Variants in RELCH observed in about 807,000 individuals in gnomAD.
The protein encoded by RELCH is RAB11 binding and LisH domain, coiled-coil and HEAT repeat containing, also known as RAB11-binding protein RELCH.
RELCH carries 41 observed loss-of-function variants against 150.3 expected under a neutral mutation model. That is an observed-to-expected ratio of 0.27 (90% CI 0.21 to 0.35). RELCH has a LOEUF of 0.35. Ranked by LOEUF, RELCH falls within the 10% of genes least tolerant of loss-of-function variation. The pLI is 1.00. For missense variants in RELCH, 1,092 were observed against 1,467.8 expected (o/e 0.74, Z 4.18); for synonymous variants, 478 against 531.8 (o/e 0.90, Z 1.39).
chr18:62,187,535 C>T lies in RELCH; in HGVS notation c.30C>T (p.Gly10=). 2.0e-6 allele frequency: 3 copies of T among 1,514,820 alleles called. 1 individual carries two copies. The South Asian group carries it at 4.0e-5, about 20-fold the overall frequency. 93.8% of individuals were successfully genotyped at this position (1,514,820 alleles called of 1,614,324 possible). A position where few individuals can be genotyped will look rare whatever the true frequency, so the allele number is the denominator to read the frequency against. MAAMAPGGS[G]SGGGVNPFLS... The stretch of plus-strand genomic sequence containing the variant: ...CGGCGATGGCGCCTGGAGGTAGTGG[C>T]AGTGGTGGCGGCGTGAATCCATTTC... The change falls in exon 1 of 29, where the codon GGC becomes GGT. Residue 10 remains glycine, a synonymous_variant. Coordinates refer to ENST00000644646, the MANE Select transcript of RELCH (RefSeq NM_001346231.2).
intron 2 of RELCH, among the ~76,000 whole-genome samples, chr18:62,212,580 G>A (rs1005862179): frequency 6.6e-6 from 1 of 152,176 alleles, no homozygotes; most frequent in African/African-American, 2.4e-5. Context: ...AAAAATGAGT[G>A]CTAATTCTTA....
chr18:62,268,532 T>G (rs1264401862), intron 19 of RELCH: 1 of 163,234 alleles, frequency 6.1e-6, no homozygotes, highest in East Asian at 1.8e-4. Context: ...AACTGCAAAT[T>G]GAAAGCATAA....
At chr18:62,298,416 G>T (rs971474985) in intron 27 of RELCH, among the ~76,000 whole-genome samples, 11 of 152,282 alleles carry the variant, frequency 7.2e-5, no homozygotes, top group African/African-American at 2.6e-4. Context: ...GCAAAGGGGC[G>T]TAGAACAGGA....
chr18:62,274,672 T>C (rs1295054535), intron 21 of RELCH, among the ~76,000 whole-genome samples: 2 of 152,242 alleles, frequency 1.3e-5, no homozygotes, highest in Admixed American at 6.5e-5. Flanking sequence ...CCAATTTTTA[T>C]AGATGCAGAA....
At position 62,213,181 on chromosome 18, in the gene RELCH, T is replaced by C. The variant is rs529632862; in HGVS notation, c.616+1939T>C. Among the ~76,000 whole-genome samples, 17 of 152,180 alleles carry C rather than the reference T, an allele frequency of 1.1e-4. No individual in the cohort carries two copies. The South Asian group carries it at 2.9e-3, about 26-fold the overall frequency. ...TATATTAGCTATTTATATTATAAAA[T>C]ATATGGCATTTTAGTTTATTTAGAG... On this transcript the variant is annotated intron_variant, in intron 2 of 28. Coordinates refer to ENST00000644646, the MANE Select transcript of RELCH (RefSeq NM_001346231.2).
chr18:62,266,669 G>C, intron 18 of RELCH, 32 bp from the exon 19 acceptor site: 1 of 1,509,630 alleles, frequency 6.6e-7, no homozygotes, highest in Non-Finnish European at 9.2e-7. Context: ...TTGAACCTGA[G>C]ACTTTTTGAA....
chr18:62,244,908 A>G, intron 11 of RELCH, 32 bp downstream of exon 11: 1 of 1,361,924 alleles, frequency 7.3e-7, no homozygotes, highest in Non-Finnish European at 1.1e-6. Context: ...AAAAAGAAAT[A>G]CAATGTGACT....
At chr18:62,205,213 G>A (rs1236732184) in intron 1 of RELCH, among the ~76,000 whole-genome samples, 2 of 152,096 alleles carry the variant, frequency 1.3e-5, no homozygotes, top group African/African-American at 4.8e-5. Flanking sequence ...TTAAAATTGT[G>A]GAGGTTTTGA....
rs1020280863 is a variant in RELCH at position 62,306,830 on chromosome 18, A to G, written c.*1296A>G. 5 of 152,662 alleles carry G rather than the reference A, an allele frequency of 3.3e-5. No homozygotes were observed. Among genetic ancestry groups the G allele is most frequent in the Non-Finnish European group, 5.9e-5 (4 of 68,028 alleles). The allele number at this position is 152,662 out of a possible 1,614,324, so 9.5% of individuals were successfully genotyped here. On this transcript the variant is annotated 3_prime_UTR_variant, in exon 29 of 29. Coordinates refer to ENST00000644646, the MANE Select transcript of RELCH (RefSeq NM_001346231.2). ...GTTGATGCACATAAGTGATTCTCAT[A>G]TTTGTTGTATAAACTGGTTTAATAC...
rs202221656 is a variant in RELCH at position 62,258,499 on chromosome 18, T to C, written c.2038-13T>C. Reference sequence around the variant, plus strand: ...CCTTTAAAAATCTACATTTGCCTTTTTCTCATTGACAGGGTTTTGAATTGT... The same window carrying C: ...CCTTTAAAAATCTACATTTGCCTTTCTCTCATTGACAGGGTTTTGAATTGT... On this transcript the variant is annotated splice_polypyrimidine_tract_variant and intron_variant, in intron 14 of 28. Transcript: ENST00000644646. 3.4e-5 allele frequency: 54 copies of C among 1,596,748 alleles called. No homozygotes were observed. The Admixed American group carries it at 5.6e-4, about 17-fold the overall frequency.
chr18:62,274,622 A>G (rs1001401665), intron 21 of RELCH, among the ~76,000 whole-genome samples: 4 of 152,254 alleles, frequency 2.6e-5, no homozygotes, highest in South Asian at 2.1e-4. Flanking sequence ...ATTTGATTCT[A>G]CAACAACCAT....
chr18:62,233,169 GTTAT>G (rs1261661670), intron 10 of RELCH, among the ~76,000 whole-genome samples: 1 of 151,462 alleles, frequency 6.6e-6, no homozygotes, highest in Non-Finnish European at 1.5e-5. Context: ...TTAATGGGAA[GTTAT>G]TTATAATCTC....
Position 62,187,390 on chromosome 18 carries a change from A to G in RELCH, c.-116A>G. On this transcript the variant is annotated 5_prime_UTR_variant, in exon 1 of 29. Transcript: ENST00000644646. ...ACTCCTTGTCTCTAAGTCGGGAGGC[A>G]GGACGTGGTCAGGCCGGGGCTGTGG... 1.0e-6 allele frequency: 1 copy of G among 979,642 alleles called. No individual in the cohort carries two copies. The highest frequency in any genetic ancestry group is 2.6e-5 in the South Asian group (1 of 39,156). 60.7% of individuals were successfully genotyped at this position (979,642 alleles called of 1,614,324 possible). A position where few individuals can be genotyped will look rare whatever the true frequency, so the allele number is the denominator to read the frequency against.
chr18:62,286,947 C>T, intron 25 of RELCH, among the ~76,000 whole-genome samples: 1 of 152,118 alleles, frequency 6.6e-6, no homozygotes, highest in East Asian at 1.9e-4. Context: ...AGAATATACT[C>T]TTTTGATTTC....
intron 5 of RELCH, among the ~76,000 whole-genome samples, chr18:62,224,385 A>C (rs983820710): frequency 6.6e-6 from 1 of 152,184 alleles, no homozygotes; most frequent in Non-Finnish European, 1.5e-5. Flanking sequence ...ATTTATTCTC[A>C]CTACTTCTAT....
intron 28 of RELCH, among the ~76,000 whole-genome samples, chr18:62,302,468 T>A (rs896572078): frequency 2.6e-5 from 4 of 152,092 alleles, no homozygotes; most frequent in Non-Finnish European, 5.9e-5. Flanking sequence ...AACTGAGAAA[T>A]AGAAGGCAAA....
chr18:62,200,826 A>T (rs2039381678), intron 1 of RELCH, among the ~76,000 whole-genome samples: 1 of 151,942 alleles, frequency 6.6e-6, no homozygotes, highest in Non-Finnish European at 1.5e-5. Context: ...TATTGAATGA[A>T]TTTTATATTA....
At chr18:62,236,555 A>G (rs1005756421) in intron 10 of RELCH, among the ~76,000 whole-genome samples, 6 of 151,976 alleles carry the variant, frequency 3.9e-5, no homozygotes, top group Middle Eastern at 3.4e-3. Context: ...GGTGATTTCT[A>G]TGATTCTAGG....
In RELCH at chr18:62,227,644, A is replaced by G. The variant is rs2041301475; in HGVS notation, c.1109A>G (p.Asn370Ser). Residue 370 changes from asparagine to serine, a missense_variant, in exon 7 of 29, where the codon AAT becomes AGT. Physicochemically the swap from Asn to Ser is conservative, Grantham distance 46 (BLOSUM62 1). Coordinates refer to ENST00000644646, the MANE Select transcript of RELCH (RefSeq NM_001346231.2). ...QKLEDKISLL[N>S]SEKWSLMEQI... Reference sequence around the variant, plus strand: ...TTAGAAGATAAAATTAGTTTGTTAAATAGTGAGAAATGGTCATTGATGGAG... The same window carrying G: ...TTAGAAGATAAAATTAGTTTGTTAAGTAGTGAGAAATGGTCATTGATGGAG... 1.3e-6 allele frequency: 2 copies of G among 1,569,382 alleles called. No individual in the cohort carries two copies. Among genetic ancestry groups the G allele is most frequent in the Admixed American group, 1.8e-5 (1 of 56,910 alleles).
Sources: gnomAD v4.1 joint callset for allele counts (sites outside exome capture counted in the v4.1 genomes callset) on GRCh38, gnomAD v4.1.1 for gene constraint, MANE v1.5 for transcripts, NCBI Gene and HGNC (gene_info 2026-07-23, HGNC 2026-07-21) for gene names.